The following SMG6 variants were observed in gnomAD, a reference collection of about 807,000 sequenced individuals.
SMG6 encodes the protein telomerase-binding protein EST1A.
In SMG6, 66 loss-of-function variants were observed where a neutral mutation model predicts 142.2. That is an observed-to-expected ratio of 0.46 (90% confidence interval 0.38 to 0.57). The LOEUF is 0.57. Ranked by LOEUF, SMG6 falls within the 20% of genes least tolerant of loss-of-function variation. The pLI, the probability that SMG6 is intolerant of heterozygous loss-of-function variation, is 0.00. For missense variants in SMG6, 1,793 were observed against 1,832.0 expected (o/e 0.98, Z 0.39); for synonymous variants, 779 against 702.4 (o/e 1.11, Z -1.72).
chr17:2,165,956 A>C lies in SMG6; in HGVS notation c.3357+6702T>G, dbSNP rs530058794. On this transcript the variant is annotated intron_variant, in intron 13 of 18. Coordinates refer to ENST00000263073, the MANE Select transcript of SMG6 (RefSeq NM_017575.5). ...GACGGGCGCGGTGACTCAGGCCTGC[A>C]ATCCCAGCACTTAGGGAGGCCGAGG... 6.0e-4 allele frequency among the ~76,000 whole-genome samples: 91 copies of C among 152,224 alleles called. No homozygotes were observed. The South Asian group carries it at 7.0e-3, about 12-fold the overall frequency.
intron 10 of SMG6, among the ~76,000 whole-genome samples, chr17:2,216,283 A>C (rs2073017329): frequency 6.6e-6 from 1 of 152,130 alleles, no homozygotes; most frequent in African/African-American, 2.4e-5. Context: ...GTGAGGTAAT[A>C]GGAATTTTTT....
At chr17:2,061,763 C>T (rs1209577388) in intron 18 of SMG6, 141 bp from the exon 19 acceptor site, 17 of 985,048 alleles carry the variant, frequency 1.7e-5, no homozygotes, top group South Asian at 3.2e-5. Context: ...TCCTTTCCTC[C>T]GTCCGGGCTC....
intron 13 of SMG6, among the ~76,000 whole-genome samples, chr17:2,113,020 A>G (rs763096139): frequency 2.9e-4 from 44 of 151,970 alleles, no homozygotes; most frequent in Non-Finnish European, 6.0e-4. Context: ...AGCTTCCCAA[A>G]GTGCTGGGAT....
chr17:2,200,693 C>T (rs941202175), intron 10 of SMG6, among the ~76,000 whole-genome samples: 1 of 152,020 alleles, frequency 6.6e-6, no homozygotes, highest in Admixed American at 6.6e-5. Context: ...GACACACATA[C>T]ACACAATTTA....
At chr17:2,118,657 G>A (rs1403215600) in intron 13 of SMG6, among the ~76,000 whole-genome samples, 3 of 151,384 alleles carry the variant, frequency 2.0e-5, no homozygotes. Context: ...TGTTGCCCAG[G>A]CTGAAGTGCA....
Position 2,085,584 on chromosome 17 carries a change from CACT to C in SMG6, c.3534+138_3534+140del, listed in dbSNP as rs2068538301. On this transcript the variant is annotated intron_variant, in intron 14 of 18. Coordinates refer to ENST00000263073, the MANE Select transcript of SMG6 (RefSeq NM_017575.5). The surrounding 1 kb of genome is among the most constrained non-coding windows in gnomAD (Gnocchi z 4.1). ...GGCAGGAAGGGGCACCATCAGAGCA[CACT>C]CTCGAGAAGCTGGCTGGTCACATTA... The C allele has an allele frequency of 3.6e-6, 3 of 835,816 alleles. No individual in the cohort carries two copies. The South Asian group carries it at 5.3e-5, about 15-fold the overall frequency. 51.8% of individuals were successfully genotyped at this position (835,816 alleles called of 1,614,324 possible). A position where few individuals can be genotyped will look rare whatever the true frequency, so the allele number is the denominator to read the frequency against.
At chr17:2,244,636 A>G in intron 9 of SMG6, 22 bp downstream of exon 9, 1 of 1,592,348 alleles carries the variant, frequency 6.3e-7, no homozygotes, top group Non-Finnish European at 8.6e-7. Flanking sequence ...AGGAAAATAA[A>G]ATAAACATCC....
intron 10 of SMG6, among the ~76,000 whole-genome samples, chr17:2,234,330 C>T (rs992301737): frequency 1.3e-5 from 2 of 151,564 alleles, no homozygotes; most frequent in East Asian, 2.0e-4. Flanking sequence ...TTTGCAATCT[C>T]GGCTCACTGC....
At position 2,299,249 on chromosome 17, in the gene SMG6, G is replaced by C. The variant is rs145406772; in HGVS notation, c.1504C>G (p.Gln502Glu). The change falls in exon 2 of 19, where the codon CAA (glutamine) becomes GAA (glutamate). Residue 502 changes from glutamine to glutamate, a missense_variant. By Grantham distance (29) the Gln-to-Glu change is conservative. Around this residue, in one of 3 missense-constraint regions of SMG6, gnomAD observed 1,597 missense variants for 1,584.6 expected, o/e 1.01. Transcript: ENST00000263073. The surrounding 1 kb of genome is among the most constrained non-coding windows in gnomAD (Gnocchi z 4.3). ...TAATAATAGGGGTTGTCAGAGTTTTGAAACTTATAGTAAGATGCCTGAGCC... is the reference window on the plus strand; with the variant it reads ...TAATAATAGGGGTTGTCAGAGTTTTCAAACTTATAGTAAGATGCCTGAGCC... ...RQAQASYYKF[Q>E]NSDNPYYYPR... 1.2e-6 allele frequency: 2 copies of C among 1,614,036 alleles called. No homozygotes were observed. Among genetic ancestry groups the C allele is most frequent in the Non-Finnish European group, 1.7e-6 (2 of 1,179,998 alleles).
At chr17:2,072,382 CA>C (rs1269803940) in intron 15 of SMG6, among the ~76,000 whole-genome samples, 9 of 152,072 alleles carry the variant, frequency 5.9e-5, no homozygotes, top group African/African-American at 2.2e-4. Flanking sequence ...AATAAGGACC[CA>C]AGTTGGCATA....
intron 13 of SMG6, among the ~76,000 whole-genome samples, chr17:2,155,400 A>G (rs755440986): frequency 1.3e-5 from 2 of 152,228 alleles, no homozygotes; most frequent in Non-Finnish European, 2.9e-5. Context: ...AAGGGAAAAA[A>G]CATAAAGTAT....
chr17:2,135,933 C>T (rs930732195), intron 13 of SMG6, among the ~76,000 whole-genome samples: 6 of 67,290 alleles, frequency 8.9e-5, no homozygotes. Flanking sequence ...TCCTCCCACA[C>T]TGGCCTCTCA....
At chr17:2,135,155 C>T (rs533030650) in intron 13 of SMG6, among the ~76,000 whole-genome samples, 4 of 152,326 alleles carry the variant, frequency 2.6e-5, no homozygotes, top group Admixed American at 6.5e-5. Context: ...GCTGGGATTA[C>T]AGGCATGAGC....
At chr17:2,084,473 G>A (rs2068504256) in intron 14 of SMG6, among the ~76,000 whole-genome samples, 1 of 152,168 alleles carries the variant, frequency 6.6e-6, no homozygotes, top group Non-Finnish European at 1.5e-5. Context: ...TCAGGGGTGG[G>A]GTGGGGCTCT....
intron 10 of SMG6, among the ~76,000 whole-genome samples, chr17:2,192,355 C>G (rs1158934396): frequency 6.6e-6 from 1 of 152,246 alleles, no homozygotes; most frequent in African/African-American, 2.4e-5. Context: ...TTGGTGCACA[C>G]AGCCAGTTTC....
chr17:2,063,896 C>T (rs1190951229), intron 18 of SMG6, among the ~76,000 whole-genome samples: 1 of 152,168 alleles, frequency 6.6e-6, no homozygotes, highest in Non-Finnish European at 1.5e-5. Flanking sequence ...AGAACATAAC[C>T]TCCTCTGTTT....
chr17:2,283,689 G>A lies in SMG6; in HGVS notation c.2384C>T (p.Ala795Val). 1 of 1,614,098 alleles carries A rather than the reference G, an allele frequency of 6.2e-7. No homozygotes were observed. The highest frequency in any genetic ancestry group is 8.5e-7 in the Non-Finnish European group (1 of 1,180,026). The part of the protein sequence containing the change: ...AVYYYMRSLA[A>V]SNPILTAKES... ...CTTGGCAGTCAGGATAGGGTTGCTG[G>A]CAGCTAAACTGCGCATATAGTAATA... Residue 795 changes from alanine to valine, a missense_variant, in exon 7 of 19, where the codon GCC becomes GTC. Ala to Val is a moderately conservative substitution (Grantham distance 64, BLOSUM62 0). Around this residue, in one of 3 missense-constraint regions of SMG6, gnomAD observed 1,597 missense variants for 1,584.6 expected, o/e 1.01. Coordinates refer to ENST00000263073, the MANE Select transcript of SMG6 (RefSeq NM_017575.5).
chr17:2,258,006 C>G lies in SMG6; in HGVS notation c.2662-13287G>C, dbSNP rs1487791268. Reference sequence around the variant, plus strand: ...CCTGGGCGACAAAGCGAGACTCTGTCGCAAAAAAAAAAAAAAAAAAAAAAA... The same window carrying G: ...CCTGGGCGACAAAGCGAGACTCTGTGGCAAAAAAAAAAAAAAAAAAAAAAA... On this transcript the variant is annotated intron_variant, in intron 8 of 18. Transcript: ENST00000263073. 1.8e-4 allele frequency among the ~76,000 whole-genome samples: 11 copies of G among 62,500 alleles called. No homozygotes were observed. In the East Asian group the frequency reaches 2.8e-3, roughly 16 times the overall value. 41.0% of individuals were successfully genotyped at this position (62,500 alleles called of 152,430 possible). A position where few individuals can be genotyped will look rare whatever the true frequency, so the allele number is the denominator to read the frequency against.
intron 4 of SMG6, 49 bp downstream of exon 4, chr17:2,297,194 C>T (rs539276158): frequency 1.0e-5 from 14 of 1,363,410 alleles, no homozygotes; most frequent in African/African-American, 4.4e-5. Context: ...ACTAGATAAA[C>T]GCTTACGAAA....
Sources: gnomAD v4.1 joint callset for allele counts (sites outside exome capture counted in the v4.1 genomes callset) on GRCh38, gnomAD v4.1.1 for gene constraint, gnomAD v4.1.1 regional missense constraint, Gnocchi (gnomAD v3.1) non-coding constraint, MANE v1.5 for transcripts, NCBI Gene and HGNC (gene_info 2026-07-23, HGNC 2026-07-21) for gene names.